Variants in C14orf132 observed in about 807,000 individuals in gnomAD.
The protein encoded by C14orf132 is chromosome 14 open reading frame 132.
C14orf132 carries 6 observed loss-of-function variants against 5.8 expected under a neutral mutation model. The ratio of observed to expected loss-of-function variants is 1.03; its 90% CI spans 0.57 to 2.04. The LOEUF (loss-of-function observed/expected upper bound fraction) is 2.04. C14orf132 is among the 30% of genes most tolerant of loss of function. The pLI is 0.00. For synonymous variants in C14orf132, 51 were observed against 49.8 expected (o/e 1.02, Z -0.10); for missense variants, 125 against 115.8 (o/e 1.08, Z -0.37).
intron 1 of C14orf132, among the ~76,000 whole-genome samples, chr14:96,069,358 G>T (rs1372095559): frequency 4.7e-5 from 7 of 148,218 alleles, no homozygotes; most frequent in Non-Finnish European, 7.4e-5. Context: ...ATTTGGTAGA[G>T]ACTATTGATT....
chr14:96,066,786 GTAATA>G (rs752882354), intron 1 of C14orf132, among the ~76,000 whole-genome samples: 6 of 152,114 alleles, frequency 3.9e-5, no homozygotes, highest in Non-Finnish European at 5.9e-5. Flanking sequence ...ATATTGTAAT[GTAATA>G]TAATAGAATG....
intron 1 of C14orf132, among the ~76,000 whole-genome samples, chr14:96,078,816 T>A (rs1385380327): frequency 6.6e-6 from 1 of 152,204 alleles, no homozygotes; most frequent in East Asian, 1.9e-4. Context: ...GAGGCCGCTG[T>A]GCCATTAAGA....
rs538086186 is a variant in C14orf132, at chr14:96,063,306, T to C, written c.28-23205T>C. ...CAAGGAACAGGACTGTGGTATCCTT[T>C]TGTTTGTTTGTTTGTTTTTTGAGAC... On this transcript the variant is annotated intron_variant, in intron 1 of 1. Coordinates refer to ENST00000555004, the MANE Select transcript of C14orf132 (RefSeq NM_001252507.3). Among the ~76,000 whole-genome samples the C allele has an allele frequency of 7.2e-5, 11 of 152,136 alleles. No individual in the cohort carries two copies. In the South Asian group the frequency reaches 2.3e-3, roughly 32 times the overall value.
Position 96,042,498 on chromosome 14 carries a change from G to A in C14orf132, c.27+2971G>A, listed in dbSNP as rs919383186. Among the ~76,000 whole-genome samples the A allele has an allele frequency of 4.6e-5, 7 of 152,216 alleles. No individual in the cohort carries two copies. In the East Asian group the frequency reaches 1.2e-3, roughly 25 times the overall value. ...ACTAAGTCAGTGAAACCAGATCCACGTGACTCCAAGCCCACGTTTCTTCTT... is the reference window on the plus strand; with the variant it reads ...ACTAAGTCAGTGAAACCAGATCCACATGACTCCAAGCCCACGTTTCTTCTT... On this transcript the variant is annotated intron_variant, in intron 1 of 1. Transcript: ENST00000555004.
At chr14:96,062,044 G>A (rs145430626) in intron 1 of C14orf132, among the ~76,000 whole-genome samples, 3 of 152,182 alleles carry the variant, frequency 2.0e-5, no homozygotes, top group East Asian at 3.9e-4. Context: ...CCCCCTTAAC[G>A]AGGAGTTAGT....
Position 96,039,539 on chromosome 14 carries a change from T to A in C14orf132, c.27+12T>A, listed in dbSNP as rs1886625904. 1.0e-5 allele frequency: 15 copies of A among 1,496,666 alleles called. No homozygotes were observed. Among genetic ancestry groups the A allele is most frequent in the Non-Finnish European group, 1.3e-5 (15 of 1,125,828 alleles). The allele number at this position is 1,496,666 out of a possible 1,614,324, so 92.7% of individuals were successfully genotyped here. ...TTATGGCCGCGCAGGTAACGGGGCG[T>A]CCCCCCCACGCGCCCCGGGCCGCCA... On this transcript the variant is annotated intron_variant, in intron 1 of 1. Transcript: ENST00000555004. The surrounding 1 kb of genome is among the most constrained non-coding windows in gnomAD (Gnocchi z 5.3).
chr14:96,070,705 G>A (rs1441974104), intron 1 of C14orf132, among the ~76,000 whole-genome samples: 2 of 151,642 alleles, frequency 1.3e-5, no homozygotes, highest in Admixed American at 6.6e-5. Flanking sequence ...CTTTCTAGAG[G>A]CAGTTTCTGC....
At chr14:96,048,810 G>A (rs1886911023) in intron 1 of C14orf132, among the ~76,000 whole-genome samples, 2 of 152,130 alleles carry the variant, frequency 1.3e-5, no homozygotes, top group Non-Finnish European at 1.5e-5. Flanking sequence ...ACAGGTGTGA[G>A]CCACCACGCC....
At chr14:96,058,350 C>T (rs1887241072) in intron 1 of C14orf132, among the ~76,000 whole-genome samples, 1 of 152,052 alleles carries the variant, frequency 6.6e-6, no homozygotes, top group Non-Finnish European at 1.5e-5. Context: ...GCCATTTCTA[C>T]CTCCCCTCTT....
chr14:96,060,992 A>T (rs1444556732), intron 1 of C14orf132, among the ~76,000 whole-genome samples: 1 of 152,230 alleles, frequency 6.6e-6, no homozygotes, highest in Non-Finnish European at 1.5e-5. Context: ...TCCTTCCCAG[A>T]ACATGCACCA....
chr14:96,066,047 C>T (rs1595180051), intron 1 of C14orf132, among the ~76,000 whole-genome samples: 1 of 152,286 alleles, frequency 6.6e-6, no homozygotes, highest in East Asian at 1.9e-4. Flanking sequence ...TCCCCCTTAT[C>T]CCCACCTCAG....
chr14:96,043,784 CAT>C (rs1193025092), intron 1 of C14orf132, among the ~76,000 whole-genome samples: 1 of 152,180 alleles, frequency 6.6e-6, no homozygotes, highest in African/African-American at 2.4e-5. Context: ...ATTAAAAACT[CAT>C]GTGGTCACTG....
At chr14:96,048,612 C>T (rs903363311) in intron 1 of C14orf132, among the ~76,000 whole-genome samples, 5 of 151,718 alleles carry the variant, frequency 3.3e-5, no homozygotes, top group African/African-American at 9.7e-5. Context: ...GCAATCTCTG[C>T]CCCCCCGGGT....
At chr14:96,082,513 A>G (rs1041023535) in intron 1 of C14orf132, among the ~76,000 whole-genome samples, 2 of 152,146 alleles carry the variant, frequency 1.3e-5, no homozygotes, top group African/African-American at 4.8e-5. Flanking sequence ...AAGAAAAAAA[A>G]TATCAAAACA....
intron 1 of C14orf132, among the ~76,000 whole-genome samples, chr14:96,040,061 G>A (rs906311614): frequency 6.6e-6 from 1 of 151,806 alleles, no homozygotes; most frequent in African/African-American, 2.4e-5. Flanking sequence ...GACGCGCCGC[G>A]GTCGTTTGTC....
Position 96,039,656 on chromosome 14 carries a change from C to T in C14orf132, c.27+129C>T. ...CGATCCGCGTCCCGGTCCTTTGTCC[C>T]GAGCCGGACACCCCCACTTGGTGCA... On this transcript the variant is annotated intron_variant, in intron 1 of 1. Coordinates refer to ENST00000555004, the MANE Select transcript of C14orf132 (RefSeq NM_001252507.3). This position sits in a 1 kb window ranked among gnomAD's most constrained non-coding sequence, Gnocchi z 5.3. 1.0e-6 allele frequency: 1 copy of T among 988,902 alleles called. No homozygotes were observed. The allele number at this position is 988,902 out of a possible 1,614,324, so 61.3% of individuals were successfully genotyped here.
At chr14:96,086,304 G>A (rs920750332) in intron 1 of C14orf132, among the ~76,000 whole-genome samples, 1 of 152,150 alleles carries the variant, frequency 6.6e-6, no homozygotes, top group African/African-American at 2.4e-5. Context: ...GTGGGCATGA[G>A]AATGTCTGCC....
intron 1 of C14orf132, among the ~76,000 whole-genome samples, chr14:96,065,148 G>A (rs1215687634): frequency 2.0e-5 from 3 of 152,166 alleles, no homozygotes; most frequent in Non-Finnish European, 4.4e-5. Flanking sequence ...TGAGGCTGCA[G>A]GGTTCTGAGC....
intron 1 of C14orf132, among the ~76,000 whole-genome samples, chr14:96,063,496 A>G (rs755751371): frequency 1.3e-5 from 2 of 152,024 alleles, no homozygotes; most frequent in Non-Finnish European, 2.9e-5. Context: ...TTTAGTAGAG[A>G]CGGGGTTTCA....
Sources: gnomAD v4.1 joint callset for allele counts (sites outside exome capture counted in the v4.1 genomes callset) on GRCh38, gnomAD v4.1.1 for gene constraint, Gnocchi (gnomAD v3.1) non-coding constraint, MANE v1.5 for transcripts, NCBI Gene and HGNC (gene_info 2026-07-23, HGNC 2026-07-21) for gene names.